TTLL9: variants seen among roughly 807,000 people sequenced by gnomAD.
TTLL9 encodes probable tubulin polyglutamylase TTLL9.
Under a neutral mutation model 65.6 loss-of-function variants are expected in TTLL9, and 47 were observed. The ratio of observed to expected loss-of-function variants is 0.72; its 90% CI spans 0.57 to 0.91. TTLL9 has a LOEUF of 0.91. TTLL9 is among the 40% of genes least tolerant of loss of function. TTLL9 has a pLI of 0.00. For synonymous variants in TTLL9, 179 were observed against 204.8 expected, an observed-to-expected ratio of 0.87 and a Z score of 1.07; for missense variants, 537 against 568.8, an observed-to-expected ratio of 0.94 and a Z score of 0.57.
rs183697119 is a variant in TTLL9 at position 31,900,035 on chromosome 20, C to T, written c.206+1470C>T. ...TCGGCCTCCTGAAGTGCTGGGATTA[C>T]AGGCGTGAGCCACTGTGCCTGGCCG... On this transcript the variant is annotated intron_variant, in intron 4 of 14. Transcript: ENST00000535842. Among the ~76,000 whole-genome samples, 28 of 152,302 alleles carry T rather than the reference C, an allele frequency of 1.8e-4. No individual in the cohort carries two copies. The East Asian group carries it at 5.0e-3, about 27-fold the overall frequency.
chr20:31,914,231 A>G (rs2063698468), intron 6 of TTLL9, among the ~76,000 whole-genome samples: 1 of 152,226 alleles, frequency 6.6e-6, no homozygotes, highest in South Asian at 2.1e-4. Context: ...TTTACTCAGT[A>G]AATAATAGAA....
At chr20:31,876,634 A>T (rs1295724993) in intron 2 of TTLL9, among the ~76,000 whole-genome samples, 1 of 152,192 alleles carries the variant, frequency 6.6e-6, no homozygotes, top group Non-Finnish European at 1.5e-5. Context: ...TAACTACAAG[A>T]TGAAAGGTAT....
rs201987763 is a variant in TTLL9, at chr20:31,922,966, A to T, written c.577A>T (p.Thr193Ser). 3 of 1,612,124 alleles carry T rather than the reference A, an allele frequency of 1.9e-6. No homozygotes were observed. In the East Asian group the frequency reaches 6.7e-5, roughly 36 times the overall value. Residue 193 changes from threonine (T) to serine (S), a missense_variant, in exon 8 of 15, where the codon ACA becomes TCA. By Grantham distance (58) the Thr-to-Ser change is moderately conservative (BLOSUM62 1). This residue lies in a region of TTLL9 where 320 missense variants were observed against 311.0 expected (regional missense o/e 1.03). Transcript: ENST00000535842. ...TTATTATTATTATTACAACTAGGAC[A>T]CAAGAAGCTCTGACGACCAGAAAGA... ...LKDIVDWRKD[T>S]RSSDDQKDDI...
intron 2 of TTLL9, chr20:31,883,892 T>C: frequency 2.5e-6 from 1 of 407,814 alleles, no homozygotes; most frequent in East Asian, 3.6e-5. Context: ...GATAAGGATG[T>C]CAGCTCTTAC....
rs142837567 is a variant in TTLL9, at chr20:31,917,193, G to A, written c.505-2671G>A. On this transcript the variant is annotated intron_variant, in intron 6 of 14. Coordinates refer to ENST00000535842, the MANE Select transcript of TTLL9 (RefSeq NM_001008409.5). ...TCAGCACCCAGGTCATAAACAGAGCGTTCCCTACCCTCAGCAGCCCTCTCA... is the reference window on the plus strand; with the variant it reads ...TCAGCACCCAGGTCATAAACAGAGCATTCCCTACCCTCAGCAGCCCTCTCA... Among the ~76,000 whole-genome samples the A allele has an allele frequency of 2.2e-4, 34 of 152,180 alleles. No homozygotes were observed. In the East Asian group the frequency reaches 3.1e-3, roughly 14 times the overall value.
Position 31,908,470 on chromosome 20 carries a change from C to G in TTLL9, c.207-121C>G. On this transcript the variant is annotated intron_variant, in intron 4 of 14. Coordinates refer to ENST00000535842, the MANE Select transcript of TTLL9 (RefSeq NM_001008409.5). The stretch of plus-strand genomic sequence containing the variant: ...GGCACCCATGGCCACCTCCAAGAGA[C>G]TCTAGAGGGACACAGTGCTGTGTAC... The G allele has an allele frequency of 4.4e-6, 3 of 674,216 alleles. 1 individual carries two copies. The South Asian group carries it at 5.2e-5, about 12-fold the overall frequency. The allele number at this position is 674,216 out of a possible 1,614,324, so 41.8% of individuals were successfully genotyped here.
intron 10 of TTLL9, among the ~76,000 whole-genome samples, chr20:31,932,921 G>A (rs1485731078): frequency 6.6e-6 from 1 of 151,474 alleles, no homozygotes; most frequent in African/African-American, 2.4e-5. Context: ...GCTTGAGCTC[G>A]GGAGGCGGAG....
chr20:31,883,649 A>G (rs1397497928), intron 2 of TTLL9, among the ~76,000 whole-genome samples: 1 of 152,240 alleles, frequency 6.6e-6, no homozygotes, highest in Non-Finnish European at 1.5e-5. Context: ...GTCAAATTAC[A>G]TAATAATTAC....
chr20:31,900,706 G>T (rs552162830), intron 4 of TTLL9, among the ~76,000 whole-genome samples: 1 of 152,176 alleles, frequency 6.6e-6, no homozygotes, highest in African/African-American at 2.4e-5. Flanking sequence ...TCCTTCCCTG[G>T]ATCCAGAGAA....
chr20:31,892,527 T>C (rs2063321886), intron 3 of TTLL9, among the ~76,000 whole-genome samples: 1 of 152,196 alleles, frequency 6.6e-6, no homozygotes, highest in South Asian at 2.1e-4. Flanking sequence ...AGATGAGTAG[T>C]AGTCGTTTTA....
chr20:31,923,530 G>T (rs1177486063), intron 8 of TTLL9, among the ~76,000 whole-genome samples: 1 of 152,212 alleles, frequency 6.6e-6, no homozygotes, highest in African/African-American at 2.4e-5. Flanking sequence ...GGACATGTGA[G>T]CTGAGACCTG....
intron 2 of TTLL9, among the ~76,000 whole-genome samples, chr20:31,882,852 A>G (rs1490122515): frequency 6.6e-6 from 1 of 152,232 alleles, no homozygotes; most frequent in Non-Finnish European, 1.5e-5. Flanking sequence ...TGACCTGTTT[A>G]TGTGGAGGGG....
In TTLL9 at chr20:31,922,971, A is replaced by G; in HGVS notation, c.582A>G (p.Arg194=). ...KDIVDWRKDT[R]SSDDQKDDIP... Reference sequence around the variant, plus strand: ...ATTATTATTACAACTAGGACACAAGAAGCTCTGACGACCAGAAAGATGATA... The same window carrying G: ...ATTATTATTACAACTAGGACACAAGGAGCTCTGACGACCAGAAAGATGATA... The change falls in exon 8 of 15, where the codon AGA becomes AGG. Residue 194 remains arginine, a synonymous_variant. Coordinates refer to ENST00000535842, the MANE Select transcript of TTLL9 (RefSeq NM_001008409.5). The G allele has an allele frequency of 6.2e-7, 1 of 1,613,204 alleles. No homozygotes were observed. Among genetic ancestry groups the G allele is most frequent in the Non-Finnish European group, 8.5e-7 (1 of 1,179,144 alleles).
chr20:31,941,276 C>G (rs1357403669), intron 14 of TTLL9: 2 of 151,130 alleles, frequency 1.3e-5, no homozygotes, highest in African/African-American at 4.9e-5. Context: ...ATGAGAGGAG[C>G]AGCAAAGTCA....
At chr20:31,917,545 G>A (rs2063753624) in intron 6 of TTLL9, among the ~76,000 whole-genome samples, 1 of 152,186 alleles carries the variant, frequency 6.6e-6, no homozygotes, top group Non-Finnish European at 1.5e-5. Flanking sequence ...CCCTAAGAGA[G>A]GAATTGCTGG....
intron 7 of TTLL9, 67 bp downstream of exon 7, chr20:31,919,999 C>T (rs1568810211): frequency 7.3e-7 from 1 of 1,372,448 alleles, no homozygotes; most frequent in East Asian, 2.7e-5. Context: ...AGGGGCCACT[C>T]CTTCCTGCAA....
chr20:31,924,915 T>C (rs1476404274), intron 8 of TTLL9, 94 bp from the exon 9 acceptor site: 1 of 1,392,526 alleles, frequency 7.2e-7, no homozygotes, highest in African/African-American at 1.4e-5. Context: ...GAAGGCGGGG[T>C]TTCCTGTCTG....
intron 4 of TTLL9, among the ~76,000 whole-genome samples, chr20:31,906,738 C>T (rs532571273): frequency 6.6e-6 from 1 of 152,072 alleles, no homozygotes; most frequent in Non-Finnish European, 1.5e-5. Context: ...CAACCTCCAC[C>T]CCCCTGCTCA....
chr20:31,872,792 G>A (rs988618868), intron 2 of TTLL9, among the ~76,000 whole-genome samples: 2 of 152,222 alleles, frequency 1.3e-5, no homozygotes, highest in African/African-American at 4.8e-5. Flanking sequence ...GGAATAGCTT[G>A]GCCTCTGTAA....
Sources: allele counts gnomAD v4.1 joint callset (sites outside exome capture counted in the v4.1 genomes callset), GRCh38; gene constraint gnomAD v4.1.1; regional missense constraint gnomAD v4.1.1; transcripts MANE v1.5; gene names NCBI Gene and HGNC (gene_info 2026-07-23, HGNC 2026-07-21).